Variants in ARK2C observed in about 807,000 individuals in gnomAD.
ARK2C encodes the protein E3 ubiquitin-protein ligase ARK2C.
the ARK2C span, among the ~76,000 whole-genome samples, chr18:46,355,657 C>G: frequency 6.6e-6 from 1 of 152,228 alleles, no homozygotes; most frequent in Non-Finnish European, 1.5e-5. Context: ...GCTCCTCCAG[C>G]AGCCACAATC....
chr18:46,456,994 A>G, the ARK2C span: 1 of 266,226 alleles, frequency 3.8e-6, no homozygotes, highest in Non-Finnish European at 7.3e-6. Context: ...AGGATTGTAT[A>G]TATACCTCTC....
At chr18:46,382,985 C>A in the ARK2C span, among the ~76,000 whole-genome samples, 1 of 152,218 alleles carries the variant, frequency 6.6e-6, no homozygotes, top group East Asian at 1.9e-4. Context: ...ATACTCACTC[C>A]CCCCACCCCC....
At chr18:46,416,647 T>C in the ARK2C span, among the ~76,000 whole-genome samples, 1 of 152,226 alleles carries the variant, frequency 6.6e-6, no homozygotes, top group South Asian at 2.1e-4. Context: ...GTTGGTAATT[T>C]GGGTTGGGCT....
the ARK2C span, among the ~76,000 whole-genome samples, chr18:46,432,918 C>T: frequency 6.6e-6 from 1 of 152,142 alleles, no homozygotes; most frequent in East Asian, 1.9e-4. Flanking sequence ...GCACTCCAGC[C>T]TGGGCGACAG....
chr18:46,340,387 CACTT>C, the ARK2C span, among the ~76,000 whole-genome samples: 2 of 152,172 alleles, frequency 1.3e-5, no homozygotes, highest in Non-Finnish European at 2.9e-5. Context: ...TTCACTCACT[CACTT>C]GTTTGTTCAT....
the ARK2C span, among the ~76,000 whole-genome samples, chr18:46,347,738 A>G: frequency 6.6e-6 from 1 of 152,094 alleles, no homozygotes; most frequent in Non-Finnish European, 1.5e-5. Context: ...TGCTCCTAGG[A>G]GGCACTTTGA....
chr18:46,347,514 G>A, the ARK2C span, among the ~76,000 whole-genome samples: 1 of 152,164 alleles, frequency 6.6e-6, no homozygotes, highest in Non-Finnish European at 1.5e-5. Context: ...TCCTCCCTCT[G>A]AAGCGGGCAA....
At chr18:46,374,591 AT>A in the ARK2C span, among the ~76,000 whole-genome samples, 1 of 151,668 alleles carries the variant, frequency 6.6e-6, no homozygotes, top group African/African-American at 2.4e-5. Context: ...CTGTGTCAGG[AT>A]TTCATTCCCC....
chr18:46,394,102 C>T, the ARK2C span, among the ~76,000 whole-genome samples: 1 of 152,218 alleles, frequency 6.6e-6, no homozygotes, highest in African/African-American at 2.4e-5. Context: ...ACTCTAATTT[C>T]CTCCCTCAAG....
chr18:46,400,580 C>T, the ARK2C span, among the ~76,000 whole-genome samples: 3 of 152,128 alleles, frequency 2.0e-5, no homozygotes, highest in Non-Finnish European at 2.9e-5. Flanking sequence ...GGAACACCCG[C>T]ACCTGTTTAG....
At chr18:46,415,465 G>T in the ARK2C span, among the ~76,000 whole-genome samples, 1 of 152,018 alleles carries the variant, frequency 6.6e-6, no homozygotes, top group Admixed American at 6.6e-5. Flanking sequence ...GGTAGAGCTT[G>T]CAGTGAGCCG....
chr18:46,348,189 C>T, the ARK2C span, among the ~76,000 whole-genome samples: 1 of 143,706 alleles, frequency 7.0e-6, no homozygotes, highest in Non-Finnish European at 1.5e-5. Context: ...AACTGGTTGC[C>T]CAGGAAGGGG....
At chr18:46,436,953 A>T in the ARK2C span, among the ~76,000 whole-genome samples, 1 of 152,234 alleles carries the variant, frequency 6.6e-6, no homozygotes, top group Admixed American at 6.5e-5. Flanking sequence ...AGTGGGACTG[A>T]ACAGGTGACA....
chr18:46,340,076 C>T, the ARK2C span, among the ~76,000 whole-genome samples: 1 of 152,232 alleles, frequency 6.6e-6, no homozygotes, highest in Non-Finnish European at 1.5e-5. Flanking sequence ...CTCAATCCTA[C>T]TCCACAACTG....
the ARK2C span, chr18:46,450,834 G>C: frequency 2.0e-6 from 3 of 1,505,288 alleles, no homozygotes; most frequent in Non-Finnish European, 2.8e-6. Context: ...GCATAGTCAG[G>C]GAATGGGGCA....
At chr18:46,340,001 T>C in the ARK2C span, among the ~76,000 whole-genome samples, 3 of 152,182 alleles carry the variant, frequency 2.0e-5, no homozygotes, top group Non-Finnish European at 4.4e-5. Flanking sequence ...AGGGACCCCT[T>C]TTCTGAAGCA....
chr18:46,422,329 A>G, the ARK2C span, among the ~76,000 whole-genome samples: 3 of 152,190 alleles, frequency 2.0e-5, no homozygotes, highest in Non-Finnish European at 4.4e-5. Context: ...CAAAGGGTGC[A>G]TTACCTAGTT....
chr18:46,341,130 T>A, the ARK2C span, among the ~76,000 whole-genome samples: 3 of 152,004 alleles, frequency 2.0e-5, no homozygotes, highest in Non-Finnish European at 2.9e-5. Context: ...ACTCTAGGAG[T>A]TAAGCAGCAC....
chr18:46,345,276 C>T, the ARK2C span, among the ~76,000 whole-genome samples: 1 of 152,192 alleles, frequency 6.6e-6, no homozygotes, highest in Non-Finnish European at 1.5e-5. Flanking sequence ...GAGAGGTCAT[C>T]TGGGGTGAGG....
Sources: allele counts gnomAD v4.1 joint callset (sites outside exome capture counted in the v4.1 genomes callset), GRCh38; gene constraint gnomAD v4.1.1; transcripts MANE v1.5; gene names NCBI Gene and HGNC (gene_info 2026-07-23, HGNC 2026-07-21).